CAST: variants seen among roughly 807,000 people sequenced by gnomAD.
CAST encodes MIR583 host.
In CAST, 76 loss-of-function variants were observed where a neutral mutation model predicts 119.6. The ratio of observed to expected loss-of-function variants is 0.64; its 90% CI spans 0.53 to 0.77. The LOEUF is 0.77. CAST is among the 30% of genes least tolerant of loss of function. The probability of loss-of-function intolerance (pLI) is 0.00; values close to 1 mark genes in which losing one functional copy is unlikely to be tolerated. For synonymous variants in CAST, 319 were observed against 331.6 expected (o/e 0.96, Z 0.41); for missense variants, 953 against 946.5 (o/e 1.01, Z -0.09).
chr5:96,167,858 C>A, the CAST span, among the ~76,000 whole-genome samples: 1 of 152,160 alleles, frequency 6.6e-6, no homozygotes, highest in Admixed American at 6.5e-5. Context: ...CTGGGCGGGG[C>A]CAAATGCCCG....
At chr5:96,375,594 A>G in the CAST span, among the ~76,000 whole-genome samples, 4,667 of 152,144 alleles carry the variant, frequency 0.031, 240 homozygotes, top group African/African-American at 0.11. Flanking sequence ...TAGTTCCTAA[A>G]GTGATTTAAT....
intron 1 of CAST, among the ~76,000 whole-genome samples, chr5:96,561,798 T>TTTTTTTTTTTTTG (rs1746373332): frequency 1.2e-5 from 1 of 86,628 alleles, no homozygotes; most frequent in African/African-American, 4.0e-5. Flanking sequence ...TTTTTTTTGT[T>TTTTTTTTTTTTTG]TTTTTTTTTT....
chr5:96,426,766 G>C, the CAST span, among the ~76,000 whole-genome samples: 1 of 152,100 alleles, frequency 6.6e-6, no homozygotes, highest in South Asian at 2.1e-4. Flanking sequence ...TCAGTGTGTG[G>C]TGGAATATTG....
chr5:96,065,863 C>T, the CAST span, among the ~76,000 whole-genome samples: 2 of 152,110 alleles, frequency 1.3e-5, no homozygotes, highest in Non-Finnish European at 2.9e-5. Context: ...CTTACTATGA[C>T]TATGAAAGAG....
the CAST span, among the ~76,000 whole-genome samples, chr5:96,396,500 G>A: frequency 2.2e-4 from 33 of 150,764 alleles, no homozygotes; most frequent in Non-Finnish European, 2.9e-4. Flanking sequence ...GGCAGAGGTT[G>A]CAGTGAGCCG....
intron 1 of CAST, among the ~76,000 whole-genome samples, chr5:96,558,128 G>A (rs1220658085): frequency 6.6e-6 from 1 of 152,142 alleles, no homozygotes; most frequent in Admixed American, 6.5e-5. Flanking sequence ...CGAAATGAAG[G>A]CAGAAATAAA....
the CAST span, among the ~76,000 whole-genome samples, chr5:96,123,768 C>T: frequency 2.4e-3 from 363 of 152,234 alleles, 2 homozygotes; most frequent in African/African-American, 8.4e-3. Context: ...GTTCAACTCC[C>T]GAGTGGGAGA....
the CAST span, among the ~76,000 whole-genome samples, chr5:96,369,363 T>C: frequency 6.6e-6 from 1 of 152,162 alleles, no homozygotes; most frequent in Non-Finnish European, 1.5e-5. Flanking sequence ...AATCTTTGTT[T>C]CTTCTAAGTT....
At chr5:96,060,992 G>T in the CAST span, among the ~76,000 whole-genome samples, 1 of 152,208 alleles carries the variant, frequency 6.6e-6, no homozygotes, top group Admixed American at 6.5e-5. Flanking sequence ...GGAAGAGAGA[G>T]AGTTGGAGCA....
chr5:96,597,929 G>A (rs570397029), intron 1 of CAST, among the ~76,000 whole-genome samples: 20 of 150,478 alleles, frequency 1.3e-4, no homozygotes, highest in African/African-American at 7.4e-5. Flanking sequence ...AGAGAAAAAT[G>A]GAAAAAGAAG....
the CAST span, among the ~76,000 whole-genome samples, chr5:96,489,357 AT>A: frequency 6.6e-6 from 1 of 152,240 alleles, no homozygotes; most frequent in Non-Finnish European, 1.5e-5. Context: ...GCAGGGCTGC[AT>A]TTACAAATGA....
chr5:96,293,990 C>G, the CAST span, among the ~76,000 whole-genome samples: 1 of 151,866 alleles, frequency 6.6e-6, no homozygotes, highest in South Asian at 2.1e-4. Flanking sequence ...GAACTCCTGA[C>G]CTCAGGTGAT....
the CAST span, among the ~76,000 whole-genome samples, chr5:96,199,206 A>G: frequency 6.6e-6 from 1 of 152,174 alleles, no homozygotes; most frequent in African/African-American, 2.4e-5. Context: ...CTCTCACAAG[A>G]TAGAAGATGG....
At chr5:96,603,912 T>A (rs1300757673) in intron 1 of CAST, among the ~76,000 whole-genome samples, 1 of 151,886 alleles carries the variant, frequency 6.6e-6, no homozygotes, top group Non-Finnish European at 1.5e-5. Flanking sequence ...TACAGGTGCA[T>A]GCCACCATGC....
intron 1 of CAST, among the ~76,000 whole-genome samples, chr5:96,569,247 TGCTTCTGCCACAAAGGTATA>T (rs1347361771): frequency 5.3e-5 from 8 of 152,226 alleles, no homozygotes; most frequent in African/African-American, 1.9e-4. Context: ...CTCATGGGTC[TGCTTCTGCCACAAAGGTATA>T]ATGTGTGTGA....
the CAST span, among the ~76,000 whole-genome samples, chr5:96,019,520 GTC>G: frequency 2.0e-5 from 3 of 152,208 alleles, no homozygotes; most frequent in East Asian, 5.8e-4. Flanking sequence ...CACTCGGATG[GTC>G]TCTCTTGGAG....
the CAST span, among the ~76,000 whole-genome samples, chr5:95,994,994 G>A: frequency 6.6e-6 from 1 of 152,104 alleles, no homozygotes; most frequent in Non-Finnish European, 1.5e-5. Flanking sequence ...TCATATGGCT[G>A]ACTCTCATAC....
At chr5:96,713,202 GCT>G (rs1488209602) in intron 3 of CAST, among the ~76,000 whole-genome samples, 2 of 150,462 alleles carry the variant, frequency 1.3e-5, no homozygotes, top group Non-Finnish European at 2.9e-5. Flanking sequence ...TGCAATCTTG[GCT>G]CATTGCAACC....
At chr5:96,642,883 GT>G (rs1449382129) in intron 1 of CAST, among the ~76,000 whole-genome samples, 1 of 152,084 alleles carries the variant, frequency 6.6e-6, no homozygotes, top group African/African-American at 2.4e-5. Context: ...ACTACAGACT[GT>G]TTCAAAGGCC....
Sources: allele counts gnomAD v4.1 joint callset (sites outside exome capture counted in the v4.1 genomes callset), GRCh38; gene constraint gnomAD v4.1.1; transcripts MANE v1.5; gene names NCBI Gene and HGNC (gene_info 2026-07-23, HGNC 2026-07-21).